The following PRKG2 variants were observed in gnomAD, a reference collection of about 807,000 sequenced individuals.
PRKG2 encodes cGMP-dependent protein kinase 2.
PRKG2 carries 33 observed loss-of-function variants against 97.2 expected under a neutral mutation model. The observed-to-expected ratio is 0.34, with a 90% CI of 0.26 to 0.45. PRKG2 has a LOEUF of 0.45. PRKG2 is among the 20% of genes least tolerant of loss of function. The pLI is 1.00. For synonymous variants in PRKG2, 330 were observed against 321.8 expected (o/e 1.03, Z -0.27); for missense variants, 638 against 900.0 (o/e 0.71, Z 3.73).
chr4:81,181,876 T>A lies in PRKG2; in HGVS notation c.462-6917A>T, dbSNP rs555605830. The stretch of plus-strand genomic sequence containing the variant: ...TTCAAAAACATCAAGTATGGAAAAT[T>A]GTGATGAAATGAAAAAAATTTCTAG... On this transcript the variant is annotated intron_variant, in intron 2 of 18. Coordinates refer to ENST00000264399, the MANE Select transcript of PRKG2 (RefSeq NM_006259.3). Among the ~76,000 whole-genome samples the A allele has an allele frequency of 2.0e-5, 3 of 151,950 alleles. No individual in the cohort carries two copies. The South Asian group carries it at 6.2e-4, about 32-fold the overall frequency.
intron 2 of PRKG2, among the ~76,000 whole-genome samples, chr4:81,200,007 A>G (rs1427122779): frequency 6.6e-6 from 1 of 152,244 alleles, no homozygotes; most frequent in African/African-American, 2.4e-5. Context: ...AGCAAAATGC[A>G]GTCATACCAG....
intron 2 of PRKG2, among the ~76,000 whole-genome samples, chr4:81,176,941 G>A (rs1578473841): frequency 6.6e-6 from 1 of 151,512 alleles, no homozygotes; most frequent in Non-Finnish European, 1.5e-5. Context: ...CTACAACATG[G>A]CTCCAATCTA....
At chr4:81,097,384 G>T (rs948717457) in intron 17 of PRKG2, among the ~76,000 whole-genome samples, 14 of 152,082 alleles carry the variant, frequency 9.2e-5, no homozygotes, top group Admixed American at 8.5e-4. Context: ...AAACAGATAT[G>T]GTGTCATTCA....
intron 15 of PRKG2, 103 bp downstream of exon 15, chr4:81,110,345 T>G: frequency 1.6e-6 from 2 of 1,278,432 alleles, no homozygotes; most frequent in Non-Finnish European, 2.1e-6. Flanking sequence ...ATCGAAAACA[T>G]TTTCAAAATG....
At chr4:81,192,662 C>T (rs770597399) in intron 2 of PRKG2, among the ~76,000 whole-genome samples, 22 of 152,174 alleles carry the variant, frequency 1.4e-4, no homozygotes, top group Admixed American at 3.9e-4. Flanking sequence ...AATAACGTGC[C>T]AGTAACTTAA....
intron 17 of PRKG2, among the ~76,000 whole-genome samples, chr4:81,099,425 C>T (rs549361320): frequency 1.3e-5 from 2 of 152,238 alleles, no homozygotes; most frequent in East Asian, 1.9e-4. Context: ...AATCAATAAA[C>T]ATAATCCAGC....
chr4:81,182,149 AC>A (rs1301742128), intron 2 of PRKG2, among the ~76,000 whole-genome samples: 1 of 151,924 alleles, frequency 6.6e-6, no homozygotes, highest in Admixed American at 6.6e-5. Flanking sequence ...GAGTTATACT[AC>A]AAAAAAGAAA....
At chr4:81,185,516 C>A (rs57574694) in intron 2 of PRKG2, among the ~76,000 whole-genome samples, 12,076 of 152,182 alleles carry the variant, frequency 0.079, 1,146 homozygotes, top group African/African-American at 0.23. Flanking sequence ...CCAGCCACTG[C>A]AAAAACATAC....
intron 5 of PRKG2, 124 bp from the exon 6 acceptor site, chr4:81,167,348 T>C (rs1268696041): frequency 7.1e-6 from 4 of 566,128 alleles, no homozygotes; most frequent in Non-Finnish European, 1.2e-5. Context: ...TCTTCCAAAG[T>C]AAATGTCCAA....
At chr4:81,125,568 G>A (rs1016516737) in intron 14 of PRKG2, among the ~76,000 whole-genome samples, 1 of 152,134 alleles carries the variant, frequency 6.6e-6, no homozygotes, top group African/African-American at 2.4e-5. Context: ...GAATAAAGTT[G>A]TTATAAAATT....
intron 6 of PRKG2, among the ~76,000 whole-genome samples, chr4:81,154,957 G>A (rs373334321): frequency 1.3e-5 from 2 of 152,094 alleles, no homozygotes; most frequent in African/African-American, 4.8e-5. Context: ...GGCAGATCAC[G>A]AGGTCAGGAG....
chr4:81,151,950 A>C lies in PRKG2; in HGVS notation c.1085+10T>G, dbSNP rs1748444015. On this transcript the variant is annotated intron_variant, in intron 8 of 18. Transcript: ENST00000264399. ...TTATCCAAAGTATGGCATATAATTC[A>C]TGAATTCACCTGATAAGAGCTTTTT... is the stretch of plus-strand genomic sequence containing the variant. 1 of 1,584,964 alleles carries C rather than the reference A, an allele frequency of 6.3e-7. No homozygotes were observed. The highest frequency in any genetic ancestry group is 1.7e-5 in the Admixed American group (1 of 58,924).
upstream of PRKG2, among the ~76,000 whole-genome samples, chr4:81,217,545 G>A (rs1389370753): frequency 6.6e-6 from 1 of 152,186 alleles, no homozygotes; most frequent in Non-Finnish European, 1.5e-5. Flanking sequence ...CAACAAATGT[G>A]CTTTCAGCAG....
intron 14 of PRKG2, among the ~76,000 whole-genome samples, chr4:81,133,571 T>C (rs1314172529): frequency 6.6e-6 from 1 of 152,208 alleles, no homozygotes; most frequent in African/African-American, 2.4e-5. Context: ...AACTCAGCCA[T>C]ATATTTAATA....
chr4:81,107,150 G>A (rs150157532), intron 15 of PRKG2, among the ~76,000 whole-genome samples: 16 of 152,284 alleles, frequency 1.1e-4, no homozygotes, highest in Admixed American at 4.6e-4. Flanking sequence ...GGAGAAAGAC[G>A]GAGTTGGGGT....
At chr4:81,109,344 T>C (rs1209130438) in intron 15 of PRKG2, among the ~76,000 whole-genome samples, 1 of 152,238 alleles carries the variant, frequency 6.6e-6, no homozygotes, top group Non-Finnish European at 1.5e-5. Context: ...TTCTAGTATT[T>C]CTTAAACCAT....
At chr4:81,142,474 C>A (rs529388238) in intron 11 of PRKG2, among the ~76,000 whole-genome samples, 1 of 152,118 alleles carries the variant, frequency 6.6e-6, no homozygotes, top group African/African-American at 2.4e-5. Flanking sequence ...TATATAGACA[C>A]GCATTTGCTG....
chr4:81,170,451 G>T (rs892318117), intron 4 of PRKG2, among the ~76,000 whole-genome samples: 2 of 151,912 alleles, frequency 1.3e-5, no homozygotes, highest in African/African-American at 2.4e-5. Flanking sequence ...GAGTAACAAA[G>T]CCTCTAAAAT....
chr4:81,133,625 A>G (rs1417067817), intron 14 of PRKG2, among the ~76,000 whole-genome samples: 1 of 152,144 alleles, frequency 6.6e-6, no homozygotes, highest in African/African-American at 2.4e-5. Flanking sequence ...TAGTAAGAGG[A>G]TTTCAAGGTA....
Sources: gnomAD v4.1 joint callset for allele counts (sites outside exome capture counted in the v4.1 genomes callset) on GRCh38, gnomAD v4.1.1 for gene constraint, MANE v1.5 for transcripts, NCBI Gene and HGNC (gene_info 2026-07-23, HGNC 2026-07-21) for gene names.